NUAK1: variants seen among roughly 807,000 people sequenced by gnomAD.
NUAK1 encodes the protein NUAK family kinase 1, also known as NUAK family SNF1-like kinase 1.
In NUAK1, 26 loss-of-function variants were observed where a neutral mutation model predicts 56.9. The observed-to-expected ratio is 0.46, with a 90% CI of 0.33 to 0.63. The LOEUF is 0.63. NUAK1 is among the 30% of genes least tolerant of loss of function. The pLI is 0.02. For synonymous variants in NUAK1, 337 were observed against 336.0 expected (o/e 1.00, Z -0.03); for missense variants, 727 against 876.1 (o/e 0.83, Z 2.15).
At position 106,109,012 on chromosome 12, in the gene NUAK1, C is replaced by G. The variant is rs146999029; in HGVS notation, c.241-2487G>C. On this transcript the variant is annotated intron_variant, in intron 1 of 6. Coordinates refer to ENST00000261402, the MANE Select transcript of NUAK1 (RefSeq NM_014840.3). Reference sequence around the variant, plus strand: ...GGCTGTCTCTCCACAAAAATTTTCCCTTTTCCTACAATGATTTTTCCACTG... The same window carrying G: ...GGCTGTCTCTCCACAAAAATTTTCCGTTTTCCTACAATGATTTTTCCACTG... Among the ~76,000 whole-genome samples the G allele has an allele frequency of 3.9e-3, 587 of 152,254 alleles. 1 individual carries two copies. The highest frequency in any genetic ancestry group is 0.014 in the African/African-American group (561 of 41,554).
chr12:106,127,694 A>C (rs1412503700), intron 1 of NUAK1, among the ~76,000 whole-genome samples: 2 of 152,184 alleles, frequency 1.3e-5, no homozygotes, highest in African/African-American at 4.8e-5. Context: ...TGCTTTCCCC[A>C]GCAAGGAGCC....
intron 2 of NUAK1, among the ~76,000 whole-genome samples, chr12:106,103,533 C>T (rs2032769348): frequency 6.6e-6 from 1 of 152,114 alleles, no homozygotes; most frequent in Non-Finnish European, 1.5e-5. Flanking sequence ...TTCTATTTTC[C>T]ACAATTCTTC....
chr12:106,106,082 C>T (rs2032796797), intron 2 of NUAK1: 1 of 204,412 alleles, frequency 4.9e-6, no homozygotes, highest in African/African-American at 2.3e-5. Context: ...TATTTGGTCA[C>T]CCAGCAAACT....
At chr12:106,124,624 G>A (rs975577640) in intron 1 of NUAK1, among the ~76,000 whole-genome samples, 1 of 152,184 alleles carries the variant, frequency 6.6e-6, no homozygotes, top group Admixed American at 6.5e-5. Context: ...AATGTAAGCT[G>A]CAAGGAAGGG....
At chr12:106,117,076 A>T (rs1348917592) in intron 1 of NUAK1, among the ~76,000 whole-genome samples, 1 of 152,194 alleles carries the variant, frequency 6.6e-6, no homozygotes, top group East Asian at 1.9e-4. Context: ...CTCCCTGCCC[A>T]GCCCCTCCCT....
At chr12:106,071,871 C>A (rs1191648105) in intron 5 of NUAK1, among the ~76,000 whole-genome samples, 1 of 152,134 alleles carries the variant, frequency 6.6e-6, no homozygotes, top group Non-Finnish European at 1.5e-5. Flanking sequence ...TTCAGCCCTG[C>A]CCCCAAACAC....
At chr12:106,092,695 T>C (rs2032648212) in intron 2 of NUAK1, among the ~76,000 whole-genome samples, 1 of 152,130 alleles carries the variant, frequency 6.6e-6, no homozygotes, top group Admixed American at 6.5e-5. Flanking sequence ...CAGTTGAGGG[T>C]TGTTATGAAT....
chr12:106,077,680 G>A (rs2032477952), intron 4 of NUAK1, among the ~76,000 whole-genome samples: 3 of 152,244 alleles, frequency 2.0e-5, no homozygotes, highest in African/African-American at 4.8e-5. Context: ...TCTGGCCCAC[G>A]GACCAGCAGC....
At chr12:106,115,231 A>C (rs577272523) in intron 1 of NUAK1, among the ~76,000 whole-genome samples, 1 of 152,336 alleles carries the variant, frequency 6.6e-6, no homozygotes, top group African/African-American at 2.4e-5. Context: ...GATCCAGGTG[A>C]GCAGAACCAA....
intron 1 of NUAK1, among the ~76,000 whole-genome samples, chr12:106,137,000 T>C (rs891950164): frequency 6.6e-6 from 1 of 152,224 alleles, no homozygotes; most frequent in Non-Finnish European, 1.5e-5. Context: ...TAGAATTTAT[T>C]ACAGAGCCAG....
intron 4 of NUAK1, among the ~76,000 whole-genome samples, chr12:106,078,180 A>C (rs1365157631): frequency 6.6e-6 from 1 of 152,238 alleles, no homozygotes; most frequent in African/African-American, 2.4e-5. Flanking sequence ...GCTGTGAGCT[A>C]TGATGGTGCC....
chr12:106,076,291 T>C (rs2032464334), intron 4 of NUAK1, among the ~76,000 whole-genome samples: 1 of 152,186 alleles, frequency 6.6e-6, no homozygotes, highest in African/African-American at 2.4e-5. Context: ...AGCAAGTACA[T>C]GAAGGAGCAC....
chr12:106,076,798 T>A (rs1308864027), intron 4 of NUAK1, among the ~76,000 whole-genome samples: 1 of 151,720 alleles, frequency 6.6e-6, no homozygotes, highest in Non-Finnish European at 1.5e-5. Context: ...GTCCCTAGAG[T>A]AGTCGAATTC....
rs1234929060 is a variant in NUAK1, at chr12:106,067,754, G to A, written c.1034C>T (p.Thr345Ile). ...GGCCAGGCCCTTCATTTTGGCTTCG[G>A]TGTCAGCCTGCAGCCCTGTGGAACG... Reference protein sequence around the residue: ...HHRSTGLQADTEAKMKGLAKP... With the variant: ...HHRSTGLQADIEAKMKGLAKP... Residue 345 changes from threonine to isoleucine, a missense_variant, in exon 7 of 7, where the codon ACC (threonine) becomes ATC (isoleucine). By Grantham distance (89) the Thr-to-Ile change is moderately conservative (BLOSUM62 -1). Transcript: ENST00000261402. This position sits in a 1 kb window ranked among gnomAD's most constrained non-coding sequence, Gnocchi z 6.0. 1.2e-6 allele frequency: 2 copies of A among 1,614,070 alleles called. No homozygotes were observed. The highest frequency in any genetic ancestry group is 1.3e-5 in the African/African-American group (1 of 74,926).
intron 1 of NUAK1, among the ~76,000 whole-genome samples, chr12:106,106,763 TTTTTG>T (rs775028346): frequency 2.6e-5 from 4 of 152,200 alleles, no homozygotes; most frequent in African/African-American, 4.8e-5. Flanking sequence ...TTTGTTTTTG[TTTTTG>T]TTTTGTTTTG....
At chr12:106,069,679 T>A (rs1328112253) in intron 6 of NUAK1, among the ~76,000 whole-genome samples, 1 of 152,360 alleles carries the variant, frequency 6.6e-6, no homozygotes, top group Admixed American at 6.5e-5. Flanking sequence ...CCTAACCCTC[T>A]ATTTCCCCTA....
intron 1 of NUAK1, among the ~76,000 whole-genome samples, chr12:106,131,272 G>A (rs906186874): frequency 6.6e-6 from 1 of 152,094 alleles, no homozygotes; most frequent in East Asian, 1.9e-4. Flanking sequence ...TCGGAGGGGT[G>A]CAACCATCAT....
chr12:106,121,073 G>A (rs2032969128), intron 1 of NUAK1, among the ~76,000 whole-genome samples: 1 of 152,170 alleles, frequency 6.6e-6, no homozygotes, highest in South Asian at 2.1e-4. Context: ...AAAGATCCCA[G>A]GTGATTCTCA....
Position 106,106,542 on chromosome 12 carries a change from T to G in NUAK1, c.241-17A>C, listed in dbSNP as rs1460941819. 3.1e-6 allele frequency: 5 copies of G among 1,608,300 alleles called. No homozygotes were observed. In the South Asian group the frequency reaches 5.6e-5, roughly 18 times the overall value. ...TATAGCAACCTATAAAGTCAGGAAA[T>G]GAAATGTTATTCAGAGAGCTAAACA... On this transcript the variant is annotated splice_polypyrimidine_tract_variant and intron_variant, in intron 1 of 6. Transcript: ENST00000261402.
Sources: gnomAD v4.1 joint callset for allele counts (sites outside exome capture counted in the v4.1 genomes callset) on GRCh38, gnomAD v4.1.1 for gene constraint, Gnocchi (gnomAD v3.1) non-coding constraint, MANE v1.5 for transcripts, NCBI Gene and HGNC (gene_info 2026-07-23, HGNC 2026-07-21) for gene names.